Variants in SPG21 observed in about 807,000 individuals in gnomAD.
SPG21 encodes maspardin.
Under a neutral mutation model 38.9 loss-of-function variants are expected in SPG21, and 26 were observed. The ratio of observed to expected loss-of-function variants is 0.67; its 90% CI spans 0.49 to 0.93. The LOEUF is 0.93. Among genes scored for constraint, SPG21 ranks in the 40% least tolerant of loss-of-function variants. SPG21 has a pLI of 0.00. For synonymous variants in SPG21, 136 were observed against 128.9 expected (o/e 1.05, Z -0.37); for missense variants, 333 against 376.5 (o/e 0.88, Z 0.96).
intron 3 of SPG21, 127 bp downstream of exon 3, chr15:64,980,737 C>CAATA: frequency 1.3e-5 from 11 of 862,562 alleles, no homozygotes; most frequent in Non-Finnish European, 2.0e-5. Context: ...GAATCCATCT[C>CAATA]AACAAACAAA....
chr15:64,984,064 G>C (rs531764291), intron 1 of SPG21, among the ~76,000 whole-genome samples: 2 of 152,134 alleles, frequency 1.3e-5, no homozygotes, highest in African/African-American at 4.8e-5. Context: ...GATTACAGGC[G>C]TGAGCCACCA....
At position 64,965,358 on chromosome 15, in the gene SPG21, A is replaced by G; in HGVS notation, c.772T>C (p.Tyr258His). ...TTGACCTCTGCACTTCTGCACAGGTATGGGAAATTGCCTCCTGTTTTCAGA... is the reference window on the plus strand; with the variant it reads ...TTGACCTCTGCACTTCTGCACAGGTGTGGGAAATTGCCTCCTGTTTTCAGA... ...AHLKTGGNFP[Y>H]LCRSAEVNLY... The change falls in exon 8 of 9, where the codon TAC becomes CAC. Residue 258 changes from tyrosine to histidine, a missense_variant. By Grantham distance (83) the Tyr-to-His change is moderately conservative. Coordinates refer to ENST00000204566, the MANE Select transcript of SPG21 (RefSeq NM_016630.7). The G allele has an allele frequency of 6.2e-7, 1 of 1,614,180 alleles. No individual in the cohort carries two copies. Among genetic ancestry groups the G allele is most frequent in the Non-Finnish European group, 8.5e-7 (1 of 1,180,036 alleles).
chr15:64,972,628 C>T (rs992450201), intron 5 of SPG21, among the ~76,000 whole-genome samples: 11 of 151,960 alleles, frequency 7.2e-5, no homozygotes, highest in Non-Finnish European at 1.5e-4. Flanking sequence ...GTCAGGAGAT[C>T]GAGACCATAC....
At position 64,974,586 on chromosome 15, in the gene SPG21, G is replaced by A. The variant is rs1320078727; in HGVS notation, c.452+16C>T. 1.2e-6 allele frequency: 2 copies of A among 1,613,918 alleles called. No individual in the cohort carries two copies. Among genetic ancestry groups the A allele is most frequent in the African/African-American group, 2.7e-5 (2 of 74,934 alleles). On this transcript the variant is annotated intron_variant, in intron 5 of 8. Transcript: ENST00000204566. The stretch of plus-strand genomic sequence containing the variant: ...TTCAAAATTTCACTGAACAAAAAAA[G>A]TAATTTTGTTCTTACCTGTTTGCAG...
In SPG21 at chr15:64,969,378, C is replaced by T. The variant is rs781286397; in HGVS notation, c.562-16G>A. ...AACTTTCTAGCTGCAGGAAGAAACACAGGTAAAGTTTTTGAAATAATTTTG... is the reference window on the plus strand; with the variant it reads ...AACTTTCTAGCTGCAGGAAGAAACATAGGTAAAGTTTTTGAAATAATTTTG... On this transcript the variant is annotated splice_polypyrimidine_tract_variant and intron_variant, in intron 6 of 8. Coordinates refer to ENST00000204566, the MANE Select transcript of SPG21 (RefSeq NM_016630.7). The T allele has an allele frequency of 6.5e-7, 1 of 1,545,528 alleles. No individual in the cohort carries two copies. Among genetic ancestry groups the T allele is most frequent in the South Asian group, 1.1e-5 (1 of 89,696 alleles).
chr15:64,987,981 C>A (rs2086029358), intron 1 of SPG21, among the ~76,000 whole-genome samples: 1 of 152,214 alleles, frequency 6.6e-6, no homozygotes, highest in African/African-American at 2.4e-5. Context: ...TTGCGGTGAG[C>A]CGAGATCACG....
At chr15:64,975,709 C>A (rs1483952340) in intron 4 of SPG21, among the ~76,000 whole-genome samples, 2 of 151,926 alleles carry the variant, frequency 1.3e-5, no homozygotes, top group Non-Finnish European at 2.9e-5. Context: ...TAAAAACAAC[C>A]CAAATGTGCA....
At chr15:64,969,500 A>C in intron 6 of SPG21, 138 bp from the exon 7 acceptor site, 1 of 685,524 alleles carries the variant, frequency 1.5e-6, no homozygotes, top group South Asian at 1.6e-5. Context: ...GAGGAACCAC[A>C]ACTTAGGTGA....
At chr15:64,980,835 G>A (rs1430997450) in intron 3 of SPG21, 29 bp downstream of exon 3, 6 of 1,610,606 alleles carry the variant, frequency 3.7e-6, no homozygotes, top group Middle Eastern at 1.7e-4. Context: ...CACAAAACGT[G>A]GGTCTGAATT....
At chr15:64,976,407 A>G (rs1301689290) in intron 4 of SPG21, 68 bp downstream of exon 4, 3 of 1,134,356 alleles carry the variant, frequency 2.6e-6, no homozygotes, top group East Asian at 4.8e-5. Flanking sequence ...CCTGGGTGAC[A>G]GAGTGAGACT....
chr15:64,967,283 T>TA (rs889723047), intron 7 of SPG21, among the ~76,000 whole-genome samples: 4 of 151,230 alleles, frequency 2.6e-5, no homozygotes, highest in East Asian at 1.9e-4. Context: ...TAAAAATAAA[T>TA]AAAAAAAAAT....
At chr15:64,972,999 T>C (rs759851757) in intron 5 of SPG21, among the ~76,000 whole-genome samples, 1 of 152,240 alleles carries the variant, frequency 6.6e-6, no homozygotes, top group East Asian at 1.9e-4. Context: ...GGTCTTGCTC[T>C]GTCACCCAGC....
intron 8 of SPG21, 125 bp downstream of exon 8, chr15:64,965,195 C>T: frequency 7.7e-7 from 1 of 1,301,668 alleles, no homozygotes; most frequent in South Asian, 1.2e-5. Context: ...TTTATCAAGT[C>T]AATGCCTCAT....
intron 4 of SPG21, among the ~76,000 whole-genome samples, chr15:64,975,399 G>A (rs59154359): frequency 0.013 from 1,950 of 151,630 alleles, 44 homozygotes; most frequent in African/African-American, 0.042. Context: ...ATGGTGGTAC[G>A]TGCCTAGAGT....
intron 5 of SPG21, among the ~76,000 whole-genome samples, chr15:64,973,858 T>C (rs1021544406): frequency 6.6e-6 from 1 of 152,168 alleles, no homozygotes; most frequent in African/African-American, 2.4e-5. Context: ...TTGGAGAACA[T>C]ATCTCAAGGA....
intron 2 of SPG21, chr15:64,983,045 G>A: frequency 5.3e-6 from 1 of 187,636 alleles, no homozygotes. Context: ...ATCACTTGTG[G>A]TCAGGAGTTC....
At chr15:64,983,392 C>T (rs2085922159) in intron 2 of SPG21, 115 bp downstream of exon 2, 6 of 752,784 alleles carry the variant, frequency 8.0e-6, no homozygotes, top group Non-Finnish European at 1.4e-5. Flanking sequence ...AACCCACAGT[C>T]ATGATACTCG....
intron 7 of SPG21, among the ~76,000 whole-genome samples, chr15:64,968,816 A>G (rs1237107792): frequency 6.6e-6 from 1 of 152,196 alleles, no homozygotes; most frequent in African/African-American, 2.4e-5. Context: ...TATGTGCAAT[A>G]TATGGTGCAA....
intron 2 of SPG21, 146 bp downstream of exon 2, chr15:64,983,361 G>A (rs2085921460): frequency 3.2e-6 from 2 of 631,786 alleles, no homozygotes. Context: ...TGACAGGGAA[G>A]GAGTGAACTT....
Sources: gnomAD v4.1 joint callset for allele counts (sites outside exome capture counted in the v4.1 genomes callset) on GRCh38, gnomAD v4.1.1 for gene constraint, MANE v1.5 for transcripts, NCBI Gene and HGNC (gene_info 2026-07-23, HGNC 2026-07-21) for gene names.